Variants in KCNQ1 observed in about 807,000 individuals in gnomAD.
KCNQ1 encodes the protein potassium voltage-gated channel subfamily Q member 1.
KCNQ1 carries 49 observed loss-of-function variants against 72.4 expected under a neutral mutation model. The ratio of observed to expected loss-of-function variants is 0.68; its 90% confidence interval spans 0.54 to 0.86. The LOEUF (loss-of-function observed/expected upper bound fraction) is 0.86, where lower values mean the gene tolerates loss of function less well. Ranked by LOEUF, KCNQ1 falls within the 40% of genes least tolerant of loss-of-function variation. The pLI is 0.00. For synonymous variants in KCNQ1, 450 were observed against 412.6 expected, an observed-to-expected ratio of 1.09 and a Z score of -1.10; for missense variants, 790 against 945.1, an observed-to-expected ratio of 0.84 and a Z score of 2.15.
At chr11:2,472,827 G>A (rs1167763387) in intron 1 of KCNQ1, among the ~76,000 whole-genome samples, 1 of 152,120 alleles carries the variant, frequency 6.6e-6, no homozygotes, top group Non-Finnish European at 1.5e-5. Context: ...TGCTGTGGGT[G>A]GAGGCAGATG....
chr11:2,476,800 C>A lies in KCNQ1; in HGVS notation c.386+31316C>A, dbSNP rs544879837. Among the ~76,000 whole-genome samples, 8 of 152,328 alleles carry A rather than the reference C, an allele frequency of 5.3e-5. No individual in the cohort carries two copies. The East Asian group carries it at 7.7e-4, about 15-fold the overall frequency. ...CTCCCGGGTTCAAGCGCTCCTCCCC[C>A]CTCAGCCTCCCAAGTAGCTGGGTTT... is the stretch of plus-strand genomic sequence containing the variant. On this transcript the variant is annotated intron_variant, in intron 1 of 15. Transcript: ENST00000155840.
intron 15 of KCNQ1, among the ~76,000 whole-genome samples, chr11:2,799,778 A>G (rs1474308577): frequency 6.6e-6 from 1 of 152,156 alleles, no homozygotes; most frequent in Non-Finnish European, 1.5e-5. Context: ...AATCGGGAAC[A>G]TTTAGAGGAG....
chr11:2,673,133 G>A lies in KCNQ1; in HGVS notation c.1514+11052G>A. 2.5e-6 allele frequency: 1 copy of A among 398,792 alleles called. No individual in the cohort carries two copies. Among genetic ancestry groups the A allele is most frequent in the Non-Finnish European group, 4.4e-6 (1 of 226,212 alleles). The allele number at this position is 398,792 out of a possible 1,614,324, so 24.7% of individuals were successfully genotyped here. A position where few individuals can be genotyped will look rare whatever the true frequency, so the allele number is the denominator to read the frequency against. On this transcript the variant is annotated intron_variant, in intron 11 of 15. Transcript: ENST00000155840. The surrounding 1 kb of genome is among the most constrained non-coding windows in gnomAD (Gnocchi z 4.5). ...CCCCAGCAGGCAGCATCAGGGCAGGGGTGCTGACCATCCCTGACCCAAGCA... is the reference window on the plus strand; with the variant it reads ...CCCCAGCAGGCAGCATCAGGGCAGGAGTGCTGACCATCCCTGACCCAAGCA...
intron 11 of KCNQ1, among the ~76,000 whole-genome samples, chr11:2,743,921 C>T (rs918886449): frequency 2.6e-5 from 4 of 152,332 alleles, no homozygotes; most frequent in Middle Eastern, 6.8e-3. Context: ...ACTGGGGCCT[C>T]CCCTGGTGGG....
chr11:2,768,933 TG>T lies in KCNQ1; in HGVS notation c.1590+15del, dbSNP rs1846544490. ...AAGAAATTCCAGGTAAGCCCTGTGCTGAGCCTTCCTGCCCTCAGCCTGCCCC... is the reference window on the plus strand; with the variant it reads ...AAGAAATTCCAGGTAAGCCCTGTGCTAGCCTTCCTGCCCTCAGCCTGCCCC... On this transcript the variant is annotated intron_variant, in intron 12 of 15. Transcript: ENST00000155840. The surrounding 1 kb of genome is among the most constrained non-coding windows in gnomAD (Gnocchi z 6.7). 3.1e-6 allele frequency: 5 copies of T among 1,606,042 alleles called. No individual in the cohort carries two copies. The highest frequency in any genetic ancestry group is 4.3e-6 in the Non-Finnish European group (5 of 1,172,978).
intron 1 of KCNQ1, among the ~76,000 whole-genome samples, chr11:2,525,918 T>C (rs1021913929): frequency 1.3e-5 from 2 of 152,120 alleles, no homozygotes; most frequent in African/African-American, 4.8e-5. Flanking sequence ...GGGGTGCTCA[T>C]GGTCTAGGGG....
At chr11:2,741,893 G>C (rs1846058462) in intron 11 of KCNQ1, among the ~76,000 whole-genome samples, 1 of 152,174 alleles carries the variant, frequency 6.6e-6, no homozygotes, top group Non-Finnish European at 1.5e-5. Context: ...CCCCAGGCAG[G>C]GCCAGGGTGG....
rs936348447 is a variant in KCNQ1, at chr11:2,769,263, G to C, written c.1590+344G>C. ...AGTGAGAGATGTGAGGGTGACATCA[G>C]AATGACTCAGAGATGGTGCGGAGCC... On this transcript the variant is annotated intron_variant, in intron 12 of 15. Transcript: ENST00000155840. This position sits in a 1 kb window ranked among gnomAD's most constrained non-coding sequence, Gnocchi z 4.6. 1.7e-4 allele frequency among the ~76,000 whole-genome samples: 26 copies of C among 152,182 alleles called. No individual in the cohort carries two copies. The highest frequency in any genetic ancestry group is 4.6e-4 in the Admixed American group (7 of 15,286).
At chr11:2,630,594 ATACTAGAGT>A (rs1849337164) in intron 10 of KCNQ1, 8 of 398,314 alleles carry the variant, frequency 2.0e-5, no homozygotes, top group African/African-American at 1.2e-4. Flanking sequence ...TTTAACCTTT[ATACTAGAGT>A]TATGTGATTT....
At chr11:2,553,524 A>T (rs1229543492) in intron 2 of KCNQ1, among the ~76,000 whole-genome samples, 1 of 152,190 alleles carries the variant, frequency 6.6e-6, no homozygotes, top group African/African-American at 2.4e-5. Flanking sequence ...CTATTGAGAT[A>T]ATCATATCAT....
At chr11:2,474,039 C>T (rs1846533122) in intron 1 of KCNQ1, among the ~76,000 whole-genome samples, 1 of 152,226 alleles carries the variant, frequency 6.6e-6, no homozygotes, top group African/African-American at 2.4e-5. Context: ...GTGGCTGGCC[C>T]CAGCCTCCTA....
intron 10 of KCNQ1, chr11:2,631,829 C>A: frequency 2.5e-6 from 1 of 398,458 alleles, no homozygotes; most frequent in South Asian, 1.3e-4. Context: ...CTGATGCTGT[C>A]GTGTAAATAG....
In KCNQ1 at chr11:2,624,948, A is replaced by T. The variant is rs1849240359; in HGVS notation, c.1393+36094A>T. 2.5e-6 allele frequency: 1 copy of T among 398,426 alleles called. No homozygotes were observed. Among genetic ancestry groups the T allele is most frequent in the Admixed American group, 4.4e-5 (1 of 22,708 alleles). 24.7% of individuals were successfully genotyped at this position (398,426 alleles called of 1,614,324 possible). A position where few individuals can be genotyped will look rare whatever the true frequency, so the allele number is the denominator to read the frequency against. On this transcript the variant is annotated intron_variant, in intron 10 of 15. Coordinates refer to ENST00000155840, the MANE Select transcript of KCNQ1 (RefSeq NM_000218.3). This position sits in a 1 kb window ranked among gnomAD's most constrained non-coding sequence, Gnocchi z 4.9. Reference sequence around the variant, plus strand: ...TTTTTTTAAAGCTGAATAATATTACATTGTATGTATATACCACATTTTGCT... The same window carrying T: ...TTTTTTTAAAGCTGAATAATATTACTTTGTATGTATATACCACATTTTGCT...
At chr11:2,584,499 G>C (rs747032283) in intron 7 of KCNQ1, among the ~76,000 whole-genome samples, 6 of 150,456 alleles carry the variant, frequency 4.0e-5, no homozygotes, top group Non-Finnish European at 8.9e-5. Flanking sequence ...GTTAGTATGT[G>C]GGTTAGTGTG....
chr11:2,525,385 A>G (rs997099787), intron 1 of KCNQ1, among the ~76,000 whole-genome samples: 5 of 152,232 alleles, frequency 3.3e-5, no homozygotes, highest in Admixed American at 2.0e-4. Flanking sequence ...TGTTGAACAA[A>G]TTACTCTGCA....
chr11:2,479,884 GA>G lies in KCNQ1; in HGVS notation c.386+34403del, dbSNP rs1375807188. Reference sequence around the variant, plus strand: ...TTTAACAACACCCAAGTCACCTCTTGAAAGCTTTGCAGCTTAGAAATTTCTT... The same window carrying G: ...TTTAACAACACCCAAGTCACCTCTTGAAGCTTTGCAGCTTAGAAATTTCTT... On this transcript the variant is annotated intron_variant, in intron 1 of 15. Coordinates refer to ENST00000155840, the MANE Select transcript of KCNQ1 (RefSeq NM_000218.3). The surrounding 1 kb of genome is among the most constrained non-coding windows in gnomAD (Gnocchi z 4.6). Among the ~76,000 whole-genome samples, 1 of 152,142 alleles carries G rather than the reference GA, an allele frequency of 6.6e-6. No homozygotes were observed. Among genetic ancestry groups the G allele is most frequent in the Non-Finnish European group, 1.5e-5 (1 of 68,010 alleles).
intron 10 of KCNQ1, among the ~76,000 whole-genome samples, chr11:2,604,691 C>T (rs1441094783): frequency 6.6e-6 from 1 of 151,778 alleles, no homozygotes; most frequent in Non-Finnish European, 1.5e-5. Flanking sequence ...ATTACAGGCA[C>T]ATGCCACCAT....
At position 2,659,186 on chromosome 11, in the gene KCNQ1, T is replaced by C; in HGVS notation, c.1394-2775T>C. 1 of 398,628 alleles carries C rather than the reference T, an allele frequency of 2.5e-6. No individual in the cohort carries two copies. Among genetic ancestry groups the C allele is most frequent in the Non-Finnish European group, 4.4e-6 (1 of 226,050 alleles). The allele number at this position is 398,628 out of a possible 1,614,324, so 24.7% of individuals were successfully genotyped here. On this transcript the variant is annotated intron_variant, in intron 10 of 15. Transcript: ENST00000155840. The surrounding 1 kb of genome is among the most constrained non-coding windows in gnomAD (Gnocchi z 4.3). ...GGGTTTTGACAGATGTCTGGAGTCA[T>C]GTGTCCACAATCCAGTATCATTCAC...
In KCNQ1 at chr11:2,527,932, C is replaced by T; in HGVS notation, c.391C>T (p.Leu131Phe). 6.2e-7 allele frequency: 1 copy of T among 1,614,074 alleles called. No homozygotes were observed. The highest frequency in any genetic ancestry group is 8.5e-7 in the Non-Finnish European group (1 of 1,179,972). ...TGCCGTGTCCCTGTCTTGCAGCTTC[C>T]TCATCGTCCTGGTCTGCCTCATCTT... ...KCFVYHFAVF[L>F]IVLVCLIFSV... Residue 131 changes from leucine to phenylalanine, a missense_variant, in exon 2 of 16, where the codon CTC becomes TTC. Leu to Phe is a conservative substitution (Grantham distance 22). This residue lies in a region of KCNQ1 where 294 missense variants were observed against 323.3 expected (regional missense o/e 0.91). Transcript: ENST00000155840.
Sources: gnomAD v4.1 joint callset for allele counts (sites outside exome capture counted in the v4.1 genomes callset) on GRCh38, gnomAD v4.1.1 for gene constraint, gnomAD v4.1.1 regional missense constraint, Gnocchi (gnomAD v3.1) non-coding constraint, MANE v1.5 for transcripts, NCBI Gene and HGNC (gene_info 2026-07-23, HGNC 2026-07-21) for gene names.